Variants in ASIC2 observed in about 807,000 individuals in gnomAD.
ASIC2 encodes the protein acid-sensing ion channel 2.
A neutral mutation model predicts 57.3 loss-of-function variants in ASIC2; 25 were observed. The observed-to-expected ratio is 0.44, with a 90% CI of 0.32 to 0.61. ASIC2 has a LOEUF of 0.61. Ranked by LOEUF, ASIC2 falls within the 20% of genes least tolerant of loss-of-function variation. ASIC2 has a pLI of 0.06. For missense variants in ASIC2, 641 were observed against 738.1 expected (o/e 0.87, Z 1.52); for synonymous variants, 319 against 307.5 (o/e 1.04, Z -0.39).
At chr17:33,591,677 TTA>T (rs1203776637) in intron 1 of ASIC2, among the ~76,000 whole-genome samples, 6 of 152,166 alleles carry the variant, frequency 3.9e-5, no homozygotes, top group Non-Finnish European at 8.8e-5. Flanking sequence ...GTCTCAGATC[TTA>T]TGTCTTGACT....
chr17:33,464,270 C>A lies in ASIC2; in HGVS notation c.556-352203G>T, dbSNP rs114560239. ...CTATTTCTGGCTGGATTCTATGAAGCCTCTCACTAGTCCCAGGCTCCCTTG... is the reference window on the plus strand; with the variant it reads ...CTATTTCTGGCTGGATTCTATGAAGACTCTCACTAGTCCCAGGCTCCCTTG... On this transcript the variant is annotated intron_variant, in intron 1 of 9. Transcript: ENST00000359872. Among the ~76,000 whole-genome samples the A allele has an allele frequency of 9.0e-3, 1,375 of 152,312 alleles. 18 individuals carry two copies. Among genetic ancestry groups the A allele is most frequent in the African/African-American group, 0.031 (1,279 of 41,568 alleles).
At chr17:33,528,505 T>C (rs1214741424) in intron 1 of ASIC2, among the ~76,000 whole-genome samples, 1 of 152,184 alleles carries the variant, frequency 6.6e-6, no homozygotes, top group Non-Finnish European at 1.5e-5. Context: ...AGAAGCAGCA[T>C]GAATTGGAAG....
chr17:33,648,818 T>G (rs1906830574), intron 1 of ASIC2, among the ~76,000 whole-genome samples: 1 of 152,262 alleles, frequency 6.6e-6, no homozygotes, highest in Non-Finnish European at 1.5e-5. Flanking sequence ...TTTGAATGAT[T>G]TTCATCTTTA....
At chr17:34,078,756 C>T (rs1394543096) in intron 1 of ASIC2, 1 of 152,282 alleles carries the variant, frequency 6.6e-6, no homozygotes, top group African/African-American at 2.4e-5. Flanking sequence ...TCTCTGGGCT[C>T]TTCTTTCTGT....
intron 1 of ASIC2, among the ~76,000 whole-genome samples, chr17:33,606,728 A>G (rs1483677068): frequency 6.6e-6 from 1 of 152,224 alleles, no homozygotes; most frequent in African/African-American, 2.4e-5. Flanking sequence ...AAATGGCTTA[A>G]TGCACCACAC....
chr17:33,164,302 T>C (rs976709094), intron 1 of ASIC2, among the ~76,000 whole-genome samples: 39 of 152,338 alleles, frequency 2.6e-4, no homozygotes, highest in African/African-American at 8.7e-4. Flanking sequence ...ACAGTTTCTA[T>C]ATTTAGGCGA....
chr17:33,329,915 T>C (rs1907241341), intron 1 of ASIC2, among the ~76,000 whole-genome samples: 1 of 152,164 alleles, frequency 6.6e-6, no homozygotes, highest in Non-Finnish European at 1.5e-5. Flanking sequence ...AGGAACCTAC[T>C]TGGGGCAAGA....
At chr17:33,111,483 T>C (rs186534551) in intron 2 of ASIC2, among the ~76,000 whole-genome samples, 17 of 152,288 alleles carry the variant, frequency 1.1e-4, no homozygotes, top group Non-Finnish European at 1.5e-4. Flanking sequence ...ATTCCAACAC[T>C]TCCCAGCCCC....
chr17:33,064,220 G>A (rs569842132), intron 3 of ASIC2, among the ~76,000 whole-genome samples: 1 of 147,610 alleles, frequency 6.8e-6, no homozygotes, highest in African/African-American at 2.7e-5. Context: ...CGTTCCTTTG[G>A]AGGAGGAGAG....
At chr17:34,015,068 CTTTTTTTTTTT>C (rs776970617) in intron 1 of ASIC2, among the ~76,000 whole-genome samples, 6 of 129,674 alleles carry the variant, frequency 4.6e-5, no homozygotes, top group Non-Finnish European at 8.2e-5. Context: ...TTTCTTCTGC[CTTTTTTTTTTT>C]TTTTTTTTTT....
At chr17:34,127,750 G>C (rs1463976669) in intron 1 of ASIC2, among the ~76,000 whole-genome samples, 1 of 152,158 alleles carries the variant, frequency 6.6e-6, no homozygotes, top group African/African-American at 2.4e-5. Flanking sequence ...CAAGAAGGGA[G>C]GGCTGAACTC....
At chr17:33,385,540 A>G (rs1253878431) in intron 1 of ASIC2, among the ~76,000 whole-genome samples, 2 of 152,198 alleles carry the variant, frequency 1.3e-5, no homozygotes, top group Non-Finnish European at 2.9e-5. Flanking sequence ...ACTATTGCTC[A>G]TTTTGATCTG....
chr17:33,147,776 C>A lies in ASIC2; in HGVS notation c.709-35709G>T, dbSNP rs916084311. The stretch of plus-strand genomic sequence containing the variant: ...AAGCAAGGAGACTAACATTTATTGA[C>A]CGTGGCACATCCATCACTTTTAAAT... On this transcript the variant is annotated intron_variant, in intron 1 of 9. Coordinates refer to ENST00000225823, the MANE Select transcript of ASIC2 (RefSeq NM_183377.2). Among the ~76,000 whole-genome samples the A allele has an allele frequency of 1.1e-4, 17 of 152,306 alleles. No homozygotes were observed. In the South Asian group the frequency reaches 2.3e-3, roughly 20 times the overall value.
intron 1 of ASIC2, among the ~76,000 whole-genome samples, chr17:33,785,606 T>C (rs1477163537): frequency 6.6e-6 from 1 of 152,198 alleles, no homozygotes; most frequent in African/African-American, 2.4e-5. Flanking sequence ...TTCCCAACAA[T>C]TTTTTAATAG....
intron 1 of ASIC2, chr17:34,070,684 C>A (rs1256354798): frequency 6.6e-6 from 1 of 152,334 alleles, no homozygotes; most frequent in Non-Finnish European, 1.5e-5. Context: ...CCCACCCCCA[C>A]CACATGGGAG....
At chr17:33,968,628 G>A (rs1167718709) in intron 1 of ASIC2, among the ~76,000 whole-genome samples, 3 of 152,206 alleles carry the variant, frequency 2.0e-5, no homozygotes, top group African/African-American at 7.2e-5. Flanking sequence ...CAGGGAGCAG[G>A]TAGAGGTGAG....
In ASIC2 at chr17:33,940,532, CTTCCTTCCTTCCTTCT is replaced by C. The variant is rs1393811843; in HGVS notation, c.555+215430_555+215445del. ...TCCCTCCTTCACTCCACATCCATCCCTTCCTTCCTTCCTTCTTTCCTTCCTTCCTTCCTTCCTTACA... is the reference window on the plus strand; with the variant it reads ...TCCCTCCTTCACTCCACATCCATCCCTTCCTTCCTTCCTTCCTTCCTTACA... On this transcript the variant is annotated intron_variant, in intron 1 of 9. Transcript: ENST00000359872. Among the ~76,000 whole-genome samples, 9 of 152,036 alleles carry C rather than the reference CTTCCTTCCTTCCTTCT, an allele frequency of 5.9e-5. No homozygotes were observed. In the East Asian group the frequency reaches 1.4e-3, roughly 23 times the overall value.
At chr17:33,777,442 C>T (rs1202791076) in intron 1 of ASIC2, among the ~76,000 whole-genome samples, 1 of 152,084 alleles carries the variant, frequency 6.6e-6, no homozygotes, top group Non-Finnish European at 1.5e-5. Context: ...TCTTTTGGGG[C>T]TTAATATGAT....
At chr17:33,456,416 C>A (rs574811515) in intron 1 of ASIC2, among the ~76,000 whole-genome samples, 16 of 152,158 alleles carry the variant, frequency 1.1e-4, no homozygotes, top group Non-Finnish European at 2.1e-4. Context: ...CCCCATCCCC[C>A]CTTCAGTCTA....
Sources: allele counts gnomAD v4.1 joint callset (sites outside exome capture counted in the v4.1 genomes callset), GRCh38; gene constraint gnomAD v4.1.1; transcripts MANE v1.5; gene names NCBI Gene and HGNC (gene_info 2026-07-23, HGNC 2026-07-21).